The following CALD1 variants were observed in gnomAD, a reference collection of about 807,000 sequenced individuals.
CALD1 encodes caldesmon.
A neutral mutation model predicts 99.9 loss-of-function variants in CALD1; 33 were observed. The ratio of observed to expected loss-of-function variants is 0.33; its 90% CI spans 0.25 to 0.44. The LOEUF is 0.44. Ranked by LOEUF, CALD1 falls within the 20% of genes least tolerant of loss-of-function variation. The pLI is 1.00. For missense variants in CALD1, 861 were observed against 962.1 expected (o/e 0.89, Z 1.39); for synonymous variants, 310 against 325.0 (o/e 0.95, Z 0.50).
intron 1 of CALD1, among the ~76,000 whole-genome samples, chr7:134,796,595 T>G (rs983952442): frequency 6.6e-6 from 1 of 152,040 alleles, no homozygotes; most frequent in Non-Finnish European, 1.5e-5. Flanking sequence ...TTATTTATTT[T>G]CTTAGAGATA....
intron 3 of CALD1, among the ~76,000 whole-genome samples, chr7:134,926,243 C>T (rs1422297817): frequency 1.3e-5 from 2 of 152,148 alleles, no homozygotes; most frequent in African/African-American, 4.8e-5. Context: ...ATTTGATTGT[C>T]ACACACAAGA....
chr7:134,915,177 T>A (rs1257738589), intron 3 of CALD1, among the ~76,000 whole-genome samples: 1 of 152,200 alleles, frequency 6.6e-6, no homozygotes, highest in African/African-American at 2.4e-5. Context: ...TAGGCCCCCA[T>A]GCCTCCTCCT....
In CALD1 at chr7:134,749,567, C is replaced by T. The variant is rs534717157; in HGVS notation, c.-130+5204C>T. 8.9e-4 allele frequency among the ~76,000 whole-genome samples: 135 copies of T among 152,230 alleles called. 2 individuals carry two copies. The highest frequency in any genetic ancestry group is 2.8e-3 in the African/African-American group (115 of 41,532). On this transcript the variant is annotated intron_variant, in intron 1 of 13. Coordinates refer to the CALD1 transcript ENST00000417172. ...CCAGGAAGTTGCAGTGAGCTAAGATCGCGCCATTACACTCCAGCCTGAGCA... is the reference window on the plus strand; with the variant it reads ...CCAGGAAGTTGCAGTGAGCTAAGATTGCGCCATTACACTCCAGCCTGAGCA...
rs1340439587 is a variant in CALD1, at chr7:134,933,834, G to C, written c.1065G>C (p.Glu355Asp). ...IKEEEKRAAE[E>D]RQRIKEEEKR... ...AGGAAGAGAAAAGGGCAGCAGAGGA[G>C]AGGCAGAGGATAAAAGAGGAAGAGA... The change falls in exon 5 of 15, where the codon GAG becomes GAC. Residue 355 changes from glutamate to aspartate, a missense_variant. Coordinates refer to ENST00000361675, the MANE Select transcript of CALD1 (RefSeq NM_033138.4). 1.3e-6 allele frequency: 2 copies of C among 1,593,010 alleles called. No homozygotes were observed. The highest frequency in any genetic ancestry group is 1.7e-6 in the Non-Finnish European group (2 of 1,169,792).
intron 1 of CALD1, among the ~76,000 whole-genome samples, chr7:134,787,711 T>C (rs1797360181): frequency 6.6e-6 from 1 of 152,222 alleles, no homozygotes; most frequent in South Asian, 2.1e-4. Flanking sequence ...TCTTCCTTTA[T>C]TCGGCAGTTA....
intron 2 of CALD1, among the ~76,000 whole-genome samples, chr7:134,848,046 A>T (rs1422440845): frequency 1.3e-5 from 2 of 151,922 alleles, no homozygotes; most frequent in African/African-American, 4.8e-5. Context: ...ATCTCATACC[A>T]CGCCGTGCAA....
chr7:134,962,237 G>A (rs936137739), intron 13 of CALD1: 1 of 151,962 alleles, frequency 6.6e-6, no homozygotes, highest in Non-Finnish European at 1.5e-5. Flanking sequence ...ACCATCATCT[G>A]TATGACATCC....
At chr7:134,908,400 A>G (rs1341861132) in intron 3 of CALD1, among the ~76,000 whole-genome samples, 4 of 152,216 alleles carry the variant, frequency 2.6e-5, no homozygotes, top group Admixed American at 1.3e-4. Context: ...TGAGTTGCTC[A>G]TCTATTTCCT....
the CALD1 span, among the ~76,000 whole-genome samples, chr7:134,739,025 G>A: frequency 1.3e-5 from 2 of 152,160 alleles, no homozygotes; most frequent in Admixed American, 6.5e-5. Flanking sequence ...CACATGTCCT[G>A]GTCTCGACAG....
intron 1 of CALD1, among the ~76,000 whole-genome samples, chr7:134,757,037 G>T (rs1796736129): frequency 6.6e-6 from 1 of 151,762 alleles, no homozygotes; most frequent in African/African-American, 2.4e-5. Flanking sequence ...AAGGCATATG[G>T]TATTAGAACT....
At chr7:134,883,559 TTTAATC>T (rs1801707734) in intron 3 of CALD1, among the ~76,000 whole-genome samples, 1 of 152,216 alleles carries the variant, frequency 6.6e-6, no homozygotes, top group African/African-American at 2.4e-5. Context: ...CTTTTCCTGT[TTTAATC>T]TTAATAAGAG....
chr7:134,739,969 T>C (rs1015342998), upstream of CALD1, among the ~76,000 whole-genome samples: 3 of 151,844 alleles, frequency 2.0e-5, no homozygotes, highest in Admixed American at 6.6e-5. Context: ...GAAATTGATA[T>C]TCTTATAAAA....
chr7:134,816,596 T>G (rs976326774), intron 1 of CALD1, among the ~76,000 whole-genome samples: 1 of 152,234 alleles, frequency 6.6e-6, no homozygotes, highest in African/African-American at 2.4e-5. Flanking sequence ...GTTTTGTATA[T>G]GCAACATTAA....
intron 3 of CALD1, among the ~76,000 whole-genome samples, chr7:134,912,005 G>A (rs1426331333): frequency 2.6e-5 from 4 of 151,958 alleles, no homozygotes; most frequent in African/African-American, 9.7e-5. Context: ...TGACATTGAT[G>A]GACAGATAAG....
At chr7:134,949,065 G>A (rs902744583) in intron 8 of CALD1, among the ~76,000 whole-genome samples, 2 of 152,080 alleles carry the variant, frequency 1.3e-5, no homozygotes, top group Admixed American at 6.5e-5. Context: ...TACTTTGCAG[G>A]ATTCTTCCAA....
At chr7:134,714,956 T>A in the CALD1 span, among the ~76,000 whole-genome samples, 2 of 152,130 alleles carry the variant, frequency 1.3e-5, no homozygotes, top group Non-Finnish European at 2.9e-5. Context: ...GTCCTGCCAG[T>A]CTCCTACCTC....
chr7:134,758,500 G>GT (rs1358962732), intron 1 of CALD1, among the ~76,000 whole-genome samples: 83 of 111,780 alleles, frequency 7.4e-4, no homozygotes, highest in African/African-American at 2.9e-3. Flanking sequence ...GCTCCCATTG[G>GT]GGTGTGTGTG....
chr7:134,780,179 A>G (rs908036130), intron 1 of CALD1, among the ~76,000 whole-genome samples: 1 of 152,228 alleles, frequency 6.6e-6, no homozygotes, highest in Non-Finnish European at 1.5e-5. Context: ...AAAATCAACA[A>G]TCCTTTAGGT....
chr7:134,904,817 A>G (rs1031160170), intron 3 of CALD1, among the ~76,000 whole-genome samples: 1 of 152,120 alleles, frequency 6.6e-6, no homozygotes, highest in Non-Finnish European at 1.5e-5. Flanking sequence ...AAGAACAGAA[A>G]AGGGGATTAT....
Sources: allele counts gnomAD v4.1 joint callset (sites outside exome capture counted in the v4.1 genomes callset), GRCh38; gene constraint gnomAD v4.1.1; transcripts MANE v1.5; gene names NCBI Gene and HGNC (gene_info 2026-07-23, HGNC 2026-07-21).